Variants in TPD52 observed in about 807,000 individuals in gnomAD.
TPD52 encodes tumor protein D52.
Under a neutral mutation model 31.3 loss-of-function variants are expected in TPD52, and 17 were observed. The ratio of observed to expected loss-of-function variants is 0.54; its 90% CI spans 0.37 to 0.82. The LOEUF (loss-of-function observed/expected upper bound fraction) is 0.82, where lower values mean the gene tolerates loss of function less well. Among genes scored for constraint, TPD52 ranks in the 40% least tolerant of loss-of-function variants. The probability of loss-of-function intolerance (pLI) is 0.00; values close to 1 mark genes in which losing one functional copy is unlikely to be tolerated. For missense variants in TPD52, 212 were observed against 240.1 expected, an observed-to-expected ratio of 0.88 and a Z score of 0.77; for synonymous variants, 83 against 89.6, an observed-to-expected ratio of 0.93 and a Z score of 0.42.
intron 1 of TPD52, among the ~76,000 whole-genome samples, chr8:80,081,554 T>C (rs1815293171): frequency 6.6e-6 from 1 of 151,614 alleles, no homozygotes; most frequent in South Asian, 2.1e-4. Flanking sequence ...TCTAATCTAA[T>C]CTAAAAGGCG....
chr8:80,091,379 G>A (rs1466990924), intron 1 of TPD52, among the ~76,000 whole-genome samples: 1 of 151,020 alleles, frequency 6.6e-6, no homozygotes, highest in Non-Finnish European at 1.5e-5. Flanking sequence ...TGAGGCAGGA[G>A]AATGGCCTGA....
chr8:80,126,103 C>G (rs1395545678), intron 1 of TPD52, among the ~76,000 whole-genome samples: 1 of 152,182 alleles, frequency 6.6e-6, no homozygotes, highest in African/African-American at 2.4e-5. Context: ...TAAAATTCAC[C>G]TGCATATTTG....
In TPD52 at chr8:80,124,388, GTCTCGAAC is replaced by G. The variant is rs1808461948; in HGVS notation, c.19+47029_19+47036del. Among the ~76,000 whole-genome samples, 3 of 152,046 alleles carry G rather than the reference GTCTCGAAC, an allele frequency of 2.0e-5. No individual in the cohort carries two copies. In the South Asian group the frequency reaches 6.2e-4, roughly 32 times the overall value. The stretch of plus-strand genomic sequence containing the variant: ...GGGTTTTGCCATGTTGCCCAAGCTA[GTCTCGAAC>G]TCCTGGGCTCAAGCAGTCCACCCTC... On this transcript the variant is annotated intron_variant, in intron 1 of 7. Transcript: ENST00000518937.
At chr8:80,136,744 A>C (rs1809464252) in intron 1 of TPD52, among the ~76,000 whole-genome samples, 1 of 152,156 alleles carries the variant, frequency 6.6e-6, no homozygotes. Flanking sequence ...AGGTAGAGAC[A>C]AAGGCAAAAA....
intron 1 of TPD52, chr8:80,080,477 G>C (rs760995531): frequency 3.1e-6 from 5 of 1,612,212 alleles, no homozygotes; most frequent in Non-Finnish European, 4.2e-6. Flanking sequence ...AGAATGCATG[G>C]CTGTCTAATC....
At chr8:80,110,940 T>A (rs1421252751) in intron 1 of TPD52, among the ~76,000 whole-genome samples, 1 of 152,212 alleles carries the variant, frequency 6.6e-6, no homozygotes, top group Non-Finnish European at 1.5e-5. Context: ...GTGTGGGGAC[T>A]CACGCCTGTA....
chr8:80,121,168 G>A (rs1808234386), intron 1 of TPD52, among the ~76,000 whole-genome samples: 2 of 151,590 alleles, frequency 1.3e-5, no homozygotes, highest in Admixed American at 6.6e-5. Flanking sequence ...ACAGAAATTT[G>A]TGAACATATC....
intron 7 of TPD52, among the ~76,000 whole-genome samples, chr8:80,041,954 T>C (rs1273182473): frequency 1.3e-5 from 2 of 151,928 alleles, no homozygotes; most frequent in Non-Finnish European, 2.9e-5. Flanking sequence ...CCGGGTGTGG[T>C]GGCACGCGCC....
intron 1 of TPD52, among the ~76,000 whole-genome samples, chr8:80,130,253 T>C (rs1030813069): frequency 6.6e-6 from 1 of 152,212 alleles, no homozygotes; most frequent in East Asian, 1.9e-4. Flanking sequence ...AGTCAGTATT[T>C]CAGGCTTGAT....
chr8:80,131,590 T>C lies in TPD52; in HGVS notation c.19+39835A>G, dbSNP rs926350038. Among the ~76,000 whole-genome samples the C allele has an allele frequency of 2.6e-5, 4 of 152,334 alleles. No homozygotes were observed. The South Asian group carries it at 8.3e-4, about 32-fold the overall frequency. ...CTGGTGGCTTTTGTAGCAAGAGTCC[T>C]GGGCCACTACTAACAGTTCACTTCC... On this transcript the variant is annotated intron_variant, in intron 1 of 7. Transcript: ENST00000518937.
intron 1 of TPD52, among the ~76,000 whole-genome samples, chr8:80,091,484 A>T (rs118101835): frequency 0.04 from 5,927 of 148,662 alleles, 272 homozygotes; most frequent in African/African-American, 0.1. Context: ...AAAAAAAAAT[A>T]CACAAAAGAG....
chr8:80,134,656 C>T (rs183694279), intron 1 of TPD52, among the ~76,000 whole-genome samples: 43 of 152,290 alleles, frequency 2.8e-4, no homozygotes, highest in Admixed American at 5.2e-4. Flanking sequence ...CATGAAGACA[C>T]TCAGGCAGCT....
chr8:80,118,389 C>T (rs1222882879), intron 1 of TPD52, among the ~76,000 whole-genome samples: 1 of 152,148 alleles, frequency 6.6e-6, no homozygotes. Flanking sequence ...GCAATGGTTT[C>T]TTAGACAGGA....
chr8:80,163,840 G>A (rs765644619), intron 1 of TPD52, among the ~76,000 whole-genome samples: 7 of 149,370 alleles, frequency 4.7e-5, no homozygotes, highest in Non-Finnish European at 8.9e-5. Context: ...GTGGAAGAGT[G>A]CAATTATCAA....
chr8:80,139,422 A>AT (rs1809666612), intron 1 of TPD52, among the ~76,000 whole-genome samples: 1 of 152,112 alleles, frequency 6.6e-6, no homozygotes, highest in African/African-American at 2.4e-5. Flanking sequence ...TGAAAAAAAA[A>AT]ATTTTTTCAG....
At chr8:80,142,400 C>A (rs1396299279) in intron 1 of TPD52, among the ~76,000 whole-genome samples, 1 of 152,174 alleles carries the variant, frequency 6.6e-6, no homozygotes, top group African/African-American at 2.4e-5. Context: ...AAGACGCTGT[C>A]TCTAGTCAAG....
At chr8:80,160,789 A>G (rs1459677998) in intron 1 of TPD52, among the ~76,000 whole-genome samples, 1 of 149,782 alleles carries the variant, frequency 6.7e-6, no homozygotes, top group Admixed American at 6.8e-5. Flanking sequence ...CATGCCTGTA[A>G]TTCTAGCACT....
At chr8:80,164,835 A>T (rs1479453929) in intron 1 of TPD52, among the ~76,000 whole-genome samples, 1 of 144,440 alleles carries the variant, frequency 6.9e-6, no homozygotes, top group Non-Finnish European at 1.5e-5. Context: ...GTGAGCAGAG[A>T]TCATGCCACT....
chr8:80,127,136 C>A (rs1454985994), intron 1 of TPD52, among the ~76,000 whole-genome samples: 1 of 151,622 alleles, frequency 6.6e-6, no homozygotes, highest in African/African-American at 2.4e-5. Flanking sequence ...GAGAAAGATA[C>A]CATGTTAAAA....
Sources: gnomAD v4.1 joint callset for allele counts (sites outside exome capture counted in the v4.1 genomes callset) on GRCh38, gnomAD v4.1.1 for gene constraint, MANE v1.5 for transcripts, NCBI Gene and HGNC (gene_info 2026-07-23, HGNC 2026-07-21) for gene names.